Variants in ST3GAL1 observed in about 807,000 individuals in gnomAD.
ST3GAL1 encodes the protein CMP-N-acetylneuraminate-beta-galactosamide-alpha-2,3-sialyltransferase 1.
In ST3GAL1, 16 loss-of-function variants were observed where a neutral mutation model predicts 34.1. The ratio of observed to expected loss-of-function variants is 0.47; its 90% CI spans 0.32 to 0.71. ST3GAL1 has a LOEUF of 0.71. ST3GAL1 is among the 30% of genes least tolerant of loss of function. The probability of loss-of-function intolerance (pLI) is 0.04; values close to 1 mark genes in which losing one functional copy is unlikely to be tolerated. For missense variants in ST3GAL1, 353 were observed against 447.4 expected, an observed-to-expected ratio of 0.79 and a Z score of 1.90; for synonymous variants, 191 against 184.7, an observed-to-expected ratio of 1.03 and a Z score of -0.28.
intron 2 of ST3GAL1, among the ~76,000 whole-genome samples, chr8:133,526,954 G>A (rs796874965): frequency 8.5e-5 from 13 of 152,236 alleles, no homozygotes; most frequent in African/African-American, 2.6e-4. Context: ...ACAACTCAGC[G>A]AAGTCAGGCC....
At chr8:133,463,538 T>C (rs1446830559) in intron 7 of ST3GAL1, 79 bp from the exon 8 acceptor site, 1 of 1,486,828 alleles carries the variant, frequency 6.7e-7, no homozygotes, top group Admixed American at 1.8e-5. Context: ...CTGGGGGTAG[T>C]GGCTAGATAA....
intron 1 of ST3GAL1, among the ~76,000 whole-genome samples, chr8:133,555,441 C>T (rs181085409): frequency 6.6e-6 from 1 of 152,170 alleles, no homozygotes; most frequent in South Asian, 2.1e-4. Context: ...CACCAATTCT[C>T]ACATTGGAGC....
chr8:133,466,622 C>T lies in ST3GAL1; in HGVS notation c.307-532G>A, dbSNP rs6990329. 2.6e-5 allele frequency among the ~76,000 whole-genome samples: 4 copies of T among 152,072 alleles called. No individual in the cohort carries two copies. Among genetic ancestry groups the T allele is most frequent in the Non-Finnish European group, 4.4e-5 (3 of 67,992 alleles). Reference sequence around the variant, plus strand: ...GAAGAGCGAGGAGTAGGTGGAAATGCCAGTTCTCCAGCCCCGGCCAGGGAT... The same window carrying T: ...GAAGAGCGAGGAGTAGGTGGAAATGTCAGTTCTCCAGCCCCGGCCAGGGAT... On this transcript the variant is annotated intron_variant, in intron 5 of 9. Coordinates refer to ENST00000522652, the MANE Select transcript of ST3GAL1 (RefSeq NM_173344.3). The surrounding 1 kb of genome is among the most constrained non-coding windows in gnomAD (Gnocchi z 4.4).
At chr8:133,533,537 G>A (rs929999610) in intron 2 of ST3GAL1, among the ~76,000 whole-genome samples, 6 of 152,156 alleles carry the variant, frequency 3.9e-5, no homozygotes, top group Admixed American at 2.6e-4. Context: ...CTTTTCATCC[G>A]TGTGTCCATC....
chr8:133,549,798 A>G (rs1313512709), intron 1 of ST3GAL1, among the ~76,000 whole-genome samples: 1 of 152,008 alleles, frequency 6.6e-6, no homozygotes, highest in African/African-American at 2.4e-5. Context: ...CCCTGTCTCT[A>G]CTAAAAATAC....
chr8:133,476,745 T>A (rs1285468954), intron 3 of ST3GAL1, 145 bp from the exon 4 acceptor site: 1 of 152,264 alleles, frequency 6.6e-6, no homozygotes, highest in African/African-American at 2.4e-5. Flanking sequence ...GGATGGTTTA[T>A]CTACCTTTGT....
intron 3 of ST3GAL1, among the ~76,000 whole-genome samples, chr8:133,485,367 C>T (rs1793703395): frequency 6.6e-6 from 1 of 152,230 alleles, no homozygotes; most frequent in Admixed American, 6.5e-5. Flanking sequence ...CTTCTACCTC[C>T]AGGCAGCGGG....
At chr8:133,485,292 T>C (rs1816542674) in intron 3 of ST3GAL1, among the ~76,000 whole-genome samples, 1 of 152,230 alleles carries the variant, frequency 6.6e-6, no homozygotes. Flanking sequence ...AGAGCCTTCC[T>C]TCCTCTGGCA....
chr8:133,540,840 G>C (rs199842862), intron 2 of ST3GAL1, among the ~76,000 whole-genome samples: 11 of 82,898 alleles, frequency 1.3e-4, no homozygotes, highest in South Asian at 4.1e-4. Flanking sequence ...TATATAGAGA[G>C]ACATATATAT....
intron 2 of ST3GAL1, among the ~76,000 whole-genome samples, chr8:133,500,321 G>A (rs564334915): frequency 9.2e-5 from 14 of 152,304 alleles, no homozygotes; most frequent in African/African-American, 3.1e-4. Flanking sequence ...AGAGGCCCAC[G>A]GGGGCCAGAA....
At chr8:133,549,916 C>T (rs545719978) in intron 1 of ST3GAL1, among the ~76,000 whole-genome samples, 67 of 152,232 alleles carry the variant, frequency 4.4e-4, no homozygotes, top group African/African-American at 1.4e-3. Context: ...GAGCCAAGAT[C>T]GTACCATTGC....
At chr8:133,487,422 A>G (rs1231756603) in intron 3 of ST3GAL1, among the ~76,000 whole-genome samples, 2 of 152,182 alleles carry the variant, frequency 1.3e-5, no homozygotes, top group African/African-American at 4.8e-5. Context: ...TCAGAACTGC[A>G]TATGTGTGTG....
intron 3 of ST3GAL1, among the ~76,000 whole-genome samples, chr8:133,481,967 C>T (rs1258488170): frequency 1.3e-5 from 2 of 151,926 alleles, no homozygotes; most frequent in East Asian, 3.9e-4. Context: ...TTTGGTTGAC[C>T]TAGCAGTCCT....
chr8:133,488,518 C>T (rs1350125173), intron 3 of ST3GAL1: 1 of 152,228 alleles, frequency 6.6e-6, no homozygotes, highest in African/African-American at 2.4e-5. Context: ...TCTGGCCTGC[C>T]CACCAGGTTT....
chr8:133,465,085 TCTC>T (rs1385928728), intron 6 of ST3GAL1, 128 bp from the exon 7 acceptor site: 10 of 853,254 alleles, frequency 1.2e-5, no homozygotes, highest in Non-Finnish European at 1.6e-5. Context: ...CGGGCCTCCT[TCTC>T]CTCATCTGTA....
chr8:133,525,755 C>G (rs1022149828), intron 2 of ST3GAL1, among the ~76,000 whole-genome samples: 2 of 152,278 alleles, frequency 1.3e-5, no homozygotes, highest in African/African-American at 4.8e-5. Context: ...TACATACACA[C>G]CCAGCTGGGT....
At chr8:133,510,059 C>CAAAAA (rs61402942) in intron 2 of ST3GAL1, among the ~76,000 whole-genome samples, 1 of 120,228 alleles carries the variant, frequency 8.3e-6, no homozygotes. Flanking sequence ...AACTCTGTCT[C>CAAAAA]AAAAAAAAAA....
At chr8:133,538,590 G>A (rs933982920) in intron 2 of ST3GAL1, among the ~76,000 whole-genome samples, 1 of 152,246 alleles carries the variant, frequency 6.6e-6, no homozygotes, top group African/African-American at 2.4e-5. Context: ...CCCAGGAGAG[G>A]ATGCAAAAGG....
At chr8:133,489,601 G>A (rs1297203548) in intron 3 of ST3GAL1, 1 of 152,266 alleles carries the variant, frequency 6.6e-6, no homozygotes, top group East Asian at 1.9e-4. Flanking sequence ...GATGGCACCA[G>A]GGGATCCCTT....
Sources: gnomAD v4.1 joint callset for allele counts (sites outside exome capture counted in the v4.1 genomes callset) on GRCh38, gnomAD v4.1.1 for gene constraint, Gnocchi (gnomAD v3.1) non-coding constraint, MANE v1.5 for transcripts, NCBI Gene and HGNC (gene_info 2026-07-23, HGNC 2026-07-21) for gene names.